Variants in TBC1D14 observed in about 807,000 individuals in gnomAD.
TBC1D14 encodes the protein TBC1 domain family member 14, also known as TBC1 domain family, member 14.
In TBC1D14, 26 loss-of-function variants were observed where a neutral mutation model predicts 79.0. The ratio of observed to expected loss-of-function variants is 0.33; its 90% CI spans 0.24 to 0.46. The LOEUF is 0.46. Ranked by LOEUF, TBC1D14 falls within the 20% of genes least tolerant of loss-of-function variation. The probability of loss-of-function intolerance (pLI) is 1.00; values close to 1 mark genes in which losing one functional copy is unlikely to be tolerated. For missense variants in TBC1D14, 769 were observed against 887.6 expected, an observed-to-expected ratio of 0.87 and a Z score of 1.70; for synonymous variants, 394 against 349.9, an observed-to-expected ratio of 1.13 and a Z score of -1.40.
chr4:6,927,472 T>C (rs566004010), intron 2 of TBC1D14, among the ~76,000 whole-genome samples: 10 of 152,322 alleles, frequency 6.6e-5, no homozygotes, highest in South Asian at 2.1e-4. Context: ...TTTAACTTCT[T>C]GGCACTCCGG....
chr4:7,029,289 G>T (rs1175591627), intron 13 of TBC1D14, among the ~76,000 whole-genome samples: 5 of 152,346 alleles, frequency 3.3e-5, no homozygotes, highest in South Asian at 4.1e-4. Flanking sequence ...ACTCAAAGTG[G>T]CATGGTTCCT....
chr4:7,005,571 C>G (rs1388713645), intron 8 of TBC1D14, among the ~76,000 whole-genome samples: 1 of 151,470 alleles, frequency 6.6e-6, no homozygotes, highest in African/African-American at 2.4e-5. Flanking sequence ...TGGTGATGTG[C>G]ACCTGTAATC....
intron 2 of TBC1D14, among the ~76,000 whole-genome samples, chr4:6,925,431 G>A (rs146051147): frequency 1.8e-4 from 28 of 152,284 alleles, no homozygotes; most frequent in Non-Finnish European, 7.3e-5. Context: ...AGTACCGGGT[G>A]TCCCTTTGAG....
At position 6,923,793 on chromosome 4, in the gene TBC1D14, A is replaced by G. The variant is rs1724054763; in HGVS notation, c.404A>G (p.Tyr135Cys). The change falls in exon 2 of 14, where the codon TAT (tyrosine) becomes TGT (cysteine). Residue 135 changes from tyrosine to cysteine, a missense_variant. Physicochemically the swap from Tyr to Cys is radical, Grantham distance 194. This residue lies in a region of TBC1D14 where 402 missense variants were observed against 393.2 expected (regional missense o/e 1.02). Coordinates refer to ENST00000409757, the MANE Select transcript of TBC1D14 (RefSeq NM_020773.3). The part of the protein sequence containing the change: ...RKSSTFPRTG[Y>C]DSVKLYSPTS... ...TCCTCCACGTTTCCCAGGACAGGCT[A>G]TGACTCGGTAAAGCTCTATAGCCCG... The G allele has an allele frequency of 6.2e-7, 1 of 1,614,132 alleles. No individual in the cohort carries two copies. Among genetic ancestry groups the G allele is most frequent in the South Asian group, 1.1e-5 (1 of 91,080 alleles).
chr4:7,011,490 G>C (rs1318945327), intron 11 of TBC1D14, among the ~76,000 whole-genome samples: 3 of 152,036 alleles, frequency 2.0e-5, no homozygotes, highest in African/African-American at 7.2e-5. Context: ...CTAAGCCCTT[G>C]TTCTTTCTGT....
chr4:7,022,468 C>A (rs575099727), intron 12 of TBC1D14, among the ~76,000 whole-genome samples: 1 of 152,250 alleles, frequency 6.6e-6, no homozygotes, highest in South Asian at 2.1e-4. Context: ...GCAGCGTGAA[C>A]ATTTCAAGGA....
At chr4:7,027,212 A>C (rs1319854027) in intron 13 of TBC1D14, among the ~76,000 whole-genome samples, 2 of 151,966 alleles carry the variant, frequency 1.3e-5, no homozygotes, top group African/African-American at 2.4e-5. Context: ...CTCCATCTCA[A>C]AAAAACCCCA....
chr4:7,008,738 C>T (rs1720462342), intron 9 of TBC1D14, among the ~76,000 whole-genome samples: 1 of 152,206 alleles, frequency 6.6e-6, no homozygotes, highest in Non-Finnish European at 1.5e-5. Flanking sequence ...TAAGAAATGA[C>T]AGAAATGACA....
intron 12 of TBC1D14, among the ~76,000 whole-genome samples, chr4:7,019,338 G>A (rs1349614534): frequency 6.6e-6 from 1 of 152,136 alleles, no homozygotes; most frequent in Non-Finnish European, 1.5e-5. Context: ...CATTTAAAAG[G>A]AAAGGTTCAA....
intron 2 of TBC1D14, among the ~76,000 whole-genome samples, chr4:6,925,286 A>C (rs904643127): frequency 3.3e-5 from 5 of 152,040 alleles, no homozygotes; most frequent in Admixed American, 2.0e-4. Flanking sequence ...AACAAACAAA[A>C]AAAGAATCGT....
At chr4:7,028,774 C>T (rs1722737561) in intron 13 of TBC1D14, among the ~76,000 whole-genome samples, 1 of 151,976 alleles carries the variant, frequency 6.6e-6, no homozygotes, top group Admixed American at 6.6e-5. Context: ...ACTTGTGGTC[C>T]ATGCACATTT....
At chr4:6,956,310 C>T (rs574922555) in intron 2 of TBC1D14, among the ~76,000 whole-genome samples, 37 of 152,264 alleles carry the variant, frequency 2.4e-4, no homozygotes, top group Admixed American at 3.9e-4. Context: ...ACAGACCACC[C>T]CTGGCCAGAG....
intron 2 of TBC1D14, among the ~76,000 whole-genome samples, chr4:6,925,396 T>C (rs905519605): frequency 3.9e-5 from 6 of 152,200 alleles, no homozygotes; most frequent in African/African-American, 1.4e-4. Context: ...TGTGTGTCTC[T>C]AGCAGAACCC....
chr4:6,926,558 A>G (rs958853180), intron 2 of TBC1D14, among the ~76,000 whole-genome samples: 1 of 152,158 alleles, frequency 6.6e-6, no homozygotes, highest in African/African-American at 2.4e-5. Context: ...TCTCTGAACT[A>G]CCTTTGGGAA....
chr4:6,934,103 G>T (rs1170755070), intron 2 of TBC1D14, among the ~76,000 whole-genome samples: 1 of 152,122 alleles, frequency 6.6e-6, no homozygotes, highest in Non-Finnish European at 1.5e-5. Flanking sequence ...GATCCTGGCA[G>T]GAGTGGGGCT....
chr4:7,011,945 CT>C (rs1234396008), intron 11 of TBC1D14, among the ~76,000 whole-genome samples: 2 of 151,984 alleles, frequency 1.3e-5, no homozygotes, highest in Non-Finnish European at 2.9e-5. Context: ...GTATTTCTTC[CT>C]TGATATCTTA....
chr4:6,951,005 A>C (rs1240922531), intron 2 of TBC1D14, among the ~76,000 whole-genome samples: 1 of 152,224 alleles, frequency 6.6e-6, no homozygotes, highest in Non-Finnish European at 1.5e-5. Context: ...AACTCGTAGA[A>C]CTGAGTGGGC....
At chr4:6,951,039 C>T (rs111560662) in intron 2 of TBC1D14, among the ~76,000 whole-genome samples, 17,790 of 152,220 alleles carry the variant, frequency 0.12, 1,550 homozygotes, top group African/African-American at 0.24. Flanking sequence ...CCTGGAATCC[C>T]AGCACTTTGG....
At chr4:6,966,797 A>C (rs1715732943) in intron 2 of TBC1D14, among the ~76,000 whole-genome samples, 1 of 152,228 alleles carries the variant, frequency 6.6e-6, no homozygotes, top group African/African-American at 2.4e-5. Flanking sequence ...GTTGAATAAC[A>C]AAAAGGTTTT....
Sources: allele counts gnomAD v4.1 joint callset (sites outside exome capture counted in the v4.1 genomes callset), GRCh38; gene constraint gnomAD v4.1.1; regional missense constraint gnomAD v4.1.1; transcripts MANE v1.5; gene names NCBI Gene and HGNC (gene_info 2026-07-23, HGNC 2026-07-21).